UBE2J2: variants seen among roughly 807,000 people sequenced by gnomAD.
UBE2J2 encodes ubiquitin-conjugating enzyme E2 J2.
A neutral mutation model predicts 28.6 loss-of-function variants in UBE2J2; 5 were observed. That is an observed-to-expected ratio of 0.17 (90% CI 0.09 to 0.37). The LOEUF is 0.37. UBE2J2 is among the 10% of genes least tolerant of loss of function. The probability of loss-of-function intolerance (pLI) is 1.00; values close to 1 mark genes in which losing one functional copy is unlikely to be tolerated. For missense variants in UBE2J2, 226 were observed against 338.9 expected (o/e 0.67, Z 2.62); for synonymous variants, 138 against 139.7 (o/e 0.99, Z 0.09).
At chr1:1,271,349 A>T (rs1237824200) in intron 1 of UBE2J2, among the ~76,000 whole-genome samples, 1 of 152,100 alleles carries the variant, frequency 6.6e-6, no homozygotes, top group African/African-American at 2.4e-5. Flanking sequence ...TGAAGCTAAC[A>T]CTCTGCCATA....
At chr1:1,256,271 A>G (rs115712376) in intron 5 of UBE2J2, 146 bp from the exon 6 acceptor site, 9,326 of 599,620 alleles carry the variant, frequency 0.016, 100 homozygotes, top group Admixed American at 0.024. Context: ...AAACTAACTT[A>G]TAGTCTTACA....
At chr1:1,259,108 G>A (rs1482561711) in intron 3 of UBE2J2, among the ~76,000 whole-genome samples, 1 of 144,742 alleles carries the variant, frequency 6.9e-6, no homozygotes, top group African/African-American at 2.8e-5. Flanking sequence ...GCATGTGTGT[G>A]CATGCCATCA....
chr1:1,269,753 C>T (rs574681679), intron 1 of UBE2J2, among the ~76,000 whole-genome samples: 48 of 152,262 alleles, frequency 3.2e-4, no homozygotes, highest in African/African-American at 9.2e-4. Context: ...CGTGAGTCCC[C>T]GCGCCCAGCC....
At chr1:1,263,188 G>A in intron 3 of UBE2J2, 158 bp downstream of exon 3, 1 of 698,276 alleles carries the variant, frequency 1.4e-6, no homozygotes, top group Non-Finnish European at 2.6e-6. Flanking sequence ...CCAGCGTGTG[G>A]AGAAGCAGAC....
At position 1,255,053 on chromosome 1, in the gene UBE2J2, T is replaced by G; in HGVS notation, c.*150A>C. 6.3e-6 allele frequency: 5 copies of G among 796,616 alleles called. No individual in the cohort carries two copies. The highest frequency in any genetic ancestry group is 1.7e-5 in the African/African-American group (1 of 57,362). 49.3% of individuals were successfully genotyped at this position (796,616 alleles called of 1,614,324 possible). A position where few individuals can be genotyped will look rare whatever the true frequency, so the allele number is the denominator to read the frequency against. ...GTCTCCTCCAAAGCCCAGTCACACA[T>G]TTTGGTTTTTGCTTCCCCTTTCAGG... On this transcript the variant is annotated 3_prime_UTR_variant, in exon 7 of 7. Coordinates refer to ENST00000349431, the MANE Select transcript of UBE2J2 (RefSeq NM_058167.3).
chr1:1,268,369 A>T lies in UBE2J2; in HGVS notation c.1-377T>A, dbSNP rs942865872. Among the ~76,000 whole-genome samples, 1 of 152,020 alleles carries T rather than the reference A, an allele frequency of 6.6e-6. No homozygotes were observed. Among genetic ancestry groups the T allele is most frequent in the Admixed American group, 6.6e-5 (1 of 15,258 alleles). On this transcript the variant is annotated intron_variant, in intron 1 of 6. Transcript: ENST00000349431. The surrounding 1 kb of genome is among the most constrained non-coding windows in gnomAD (Gnocchi z 4.7). ...GGCAGCTACTCGCACCTTCCAACTC[A>T]GCTCAAGGACCCCGCACTGATGGAG...
At chr1:1,267,260 T>G (rs1413437225) in intron 2 of UBE2J2, among the ~76,000 whole-genome samples, 1 of 152,148 alleles carries the variant, frequency 6.6e-6, no homozygotes, top group Non-Finnish European at 1.5e-5. Flanking sequence ...CAGTATGCAC[T>G]CTCACACTCT....
intron 4 of UBE2J2, 30 bp downstream of exon 4, chr1:1,257,178 A>T: frequency 6.2e-7 from 1 of 1,601,802 alleles, no homozygotes; most frequent in Non-Finnish European, 8.5e-7. Flanking sequence ...CGCAGCCAGA[A>T]AGCCTCCGCG....
chr1:1,254,277 C>G lies in UBE2J2; in HGVS notation c.*926G>C, dbSNP rs1570526409. ...CCATGTTCCGTGGACAGCGAACACCCGGGCCGGAGCCATTACCTACTGTGA... is the reference window on the plus strand; with the variant it reads ...CCATGTTCCGTGGACAGCGAACACCGGGGCCGGAGCCATTACCTACTGTGA... On this transcript the variant is annotated 3_prime_UTR_variant, in exon 7 of 7. Transcript: ENST00000349431. 1 of 152,224 alleles carries G rather than the reference C, an allele frequency of 6.6e-6. No homozygotes were observed. The highest frequency in any genetic ancestry group is 2.4e-5 in the African/African-American group (1 of 41,462). 9.4% of individuals were successfully genotyped at this position (152,224 alleles called of 1,614,324 possible). A position where few individuals can be genotyped will look rare whatever the true frequency, so the allele number is the denominator to read the frequency against.
Position 1,257,196 on chromosome 1 carries a change from C to T in UBE2J2, c.275+12G>A. 1 of 1,605,398 alleles carries T rather than the reference C, an allele frequency of 6.2e-7. No individual in the cohort carries two copies. Among genetic ancestry groups the T allele is most frequent in the Non-Finnish European group, 8.5e-7 (1 of 1,174,104 alleles). ...AGCCAGAAAGCCTCCGCGGCCCCTC[C>T]AGGCACCTTACCTGGTGTTGCACTT... On this transcript the variant is annotated intron_variant, in intron 4 of 6. Transcript: ENST00000349431.
intron 1 of UBE2J2, among the ~76,000 whole-genome samples, chr1:1,270,822 G>A (rs928130531): frequency 2.6e-5 from 4 of 151,942 alleles, no homozygotes; most frequent in Non-Finnish European, 4.4e-5. Context: ...GCCCCAGCCA[G>A]CCCTCCTCAT....
At chr1:1,262,290 A>G (rs771589437) in intron 3 of UBE2J2, 6 of 455,218 alleles carry the variant, frequency 1.3e-5, no homozygotes, top group Admixed American at 1.2e-4. Context: ...GGCATCCCCA[A>G]CGCTGGTCAT....
At position 1,268,802 on chromosome 1, in the gene UBE2J2, T is replaced by C. The variant is rs1640006450; in HGVS notation, c.1-810A>G. Among the ~76,000 whole-genome samples the C allele has an allele frequency of 6.6e-6, 1 of 151,940 alleles. No homozygotes were observed. The highest frequency in any genetic ancestry group is 1.5e-5 in the Non-Finnish European group (1 of 68,014). On this transcript the variant is annotated intron_variant, in intron 1 of 6. Transcript: ENST00000349431. The surrounding 1 kb of genome is among the most constrained non-coding windows in gnomAD (Gnocchi z 4.7). ...AAGCAATCCTCCCACCTCAGCCTCC[T>C]GAGTAGCTGAGACTACAGACGCATG... is the stretch of plus-strand genomic sequence containing the variant.
At position 1,255,167 on chromosome 1, in the gene UBE2J2, G is replaced by A. The variant is rs1392445437; in HGVS notation, c.*36C>T. 1.3e-6 allele frequency: 2 copies of A among 1,549,740 alleles called. No homozygotes were observed. The highest frequency in any genetic ancestry group is 2.5e-5 in the South Asian group (2 of 81,204). On this transcript the variant is annotated 3_prime_UTR_variant, in exon 7 of 7. Coordinates refer to ENST00000349431, the MANE Select transcript of UBE2J2 (RefSeq NM_058167.3). ...CCGAGGTCACGCTCTGGTGCGCGGTGCCCTCAGTGGCGCCTTGGGTCTCGG... is the reference window on the plus strand; with the variant it reads ...CCGAGGTCACGCTCTGGTGCGCGGTACCCTCAGTGGCGCCTTGGGTCTCGG...
Position 1,258,755 on chromosome 1 carries a change from G to C in UBE2J2, c.173-1445C>G, listed in dbSNP as rs567232649. On this transcript the variant is annotated intron_variant, in intron 3 of 6. Transcript: ENST00000349431. ...ACCCACTCCATGAGCAAATCCTGTT[G>C]GCCCCACCTTCAAATCAATCTAGAG... 3.3e-5 allele frequency among the ~76,000 whole-genome samples: 5 copies of C among 152,322 alleles called. No homozygotes were observed. The East Asian group carries it at 5.8e-4, about 18-fold the overall frequency.
chr1:1,272,264 G>C (rs187823137), intron 1 of UBE2J2, among the ~76,000 whole-genome samples: 6 of 152,196 alleles, frequency 3.9e-5, no homozygotes, highest in Non-Finnish European at 8.8e-5. Context: ...ATATCATCCT[G>C]CTGAGAGAAA....
chr1:1,256,188 A>G (rs1468090770), intron 5 of UBE2J2, 63 bp from the exon 6 acceptor site: 3 of 1,277,790 alleles, frequency 2.3e-6, no homozygotes, highest in South Asian at 2.4e-5. Flanking sequence ...GATTCTAAAA[A>G]CAGATGATTT....
At chr1:1,269,072 T>C (rs1319692950) in intron 1 of UBE2J2, among the ~76,000 whole-genome samples, 2 of 151,628 alleles carry the variant, frequency 1.3e-5, no homozygotes, top group African/African-American at 4.9e-5. Flanking sequence ...AAGACAGCAC[T>C]GAAGGCCGAG....
In UBE2J2 at chr1:1,268,935, C is replaced by T. The variant is rs574990993; in HGVS notation, c.1-943G>A. Among the ~76,000 whole-genome samples the T allele has an allele frequency of 1.1e-3, 172 of 152,262 alleles. No individual in the cohort carries two copies. The highest frequency in any genetic ancestry group is 1.8e-3 in the Non-Finnish European group (125 of 68,012). The stretch of plus-strand genomic sequence containing the variant: ...CAACTGATTCTCAGGCCTCAGCCTC[C>T]GGAAGTGCTGGAATCACAGGCAGGA... On this transcript the variant is annotated intron_variant, in intron 1 of 6. Transcript: ENST00000349431. This position sits in a 1 kb window ranked among gnomAD's most constrained non-coding sequence, Gnocchi z 4.7.
Sources: gnomAD v4.1 joint callset for allele counts (sites outside exome capture counted in the v4.1 genomes callset) on GRCh38, gnomAD v4.1.1 for gene constraint, Gnocchi (gnomAD v3.1) non-coding constraint, MANE v1.5 for transcripts, NCBI Gene and HGNC (gene_info 2026-07-23, HGNC 2026-07-21) for gene names.